Variants in DCAF15 observed in about 807,000 individuals in gnomAD.
DCAF15 encodes the protein DDB1- and CUL4-associated factor 15.
In DCAF15, 24 loss-of-function variants were observed where a neutral mutation model predicts 68.0. The observed-to-expected ratio is 0.35, with a 90% CI of 0.26 to 0.50. The LOEUF is 0.50. Among genes scored for constraint, DCAF15 ranks in the 20% least tolerant of loss-of-function variants. DCAF15 has a pLI of 0.98. For synonymous variants in DCAF15, 376 were observed against 341.6 expected (o/e 1.10, Z -1.11); for missense variants, 627 against 830.6 (o/e 0.75, Z 3.01).
In DCAF15 at chr19:13,954,584, A is replaced by C; in HGVS notation, c.289A>C (p.Ser97Arg). Residue 97 changes from serine to arginine, a missense_variant, in exon 3 of 13, where the codon AGT becomes CGT. By Grantham distance (110) the Ser-to-Arg change is moderately radical. Transcript: ENST00000254337. ...CTACGTCCTCTCCTACACCAGCAGC[A>C]GTGGGGATGACGACTTCTCCTTCTA... ...GRYVLSYTSS[S>R]GDDDFSFYIY... The C allele has an allele frequency of 6.2e-7, 1 of 1,614,156 alleles. No individual in the cohort carries two copies. The highest frequency in any genetic ancestry group is 8.5e-7 in the Non-Finnish European group (1 of 1,180,028).
chr19:13,960,441 G>T, intron 11 of DCAF15, 24 bp from the exon 12 acceptor site: 3 of 1,612,084 alleles, frequency 1.9e-6, no homozygotes, highest in Non-Finnish European at 2.5e-6. Flanking sequence ...GGCGACGAGA[G>T]CCACTCACCC....
intron 6 of DCAF15, among the ~76,000 whole-genome samples, 162 bp from the exon 7 acceptor site, chr19:13,958,883 C>T (rs1363635924): frequency 6.6e-6 from 1 of 152,136 alleles, no homozygotes; most frequent in Non-Finnish European, 1.5e-5. Flanking sequence ...GGTGTGCATG[C>T]GCAGAAAGGT....
rs1973481728 is a variant in DCAF15 at position 13,959,108 on chromosome 19, C to T, written c.848C>T (p.Pro283Leu). ...HSTCPLAPAS[P>L]PEPQSPELPP... ...ACCTGCCCCCTGGCGCCTGCCAGCC[C>T]CCCTGAGCCCCAGAGCCCAGAGCTG... Residue 283 changes from proline (P) to leucine (L), a missense_variant, in exon 7 of 13, where the codon CCC becomes CTC. By Grantham distance (98) the Pro-to-Leu change is moderately conservative. Transcript: ENST00000254337. The T allele has an allele frequency of 6.2e-7, 1 of 1,612,618 alleles. No individual in the cohort carries two copies. Among genetic ancestry groups the T allele is most frequent in the Non-Finnish European group, 8.5e-7 (1 of 1,179,648 alleles).
At chr19:13,952,666 G>C in intron 1 of DCAF15, 22 bp downstream of exon 1, 1 of 1,295,320 alleles carries the variant, frequency 7.7e-7, no homozygotes. Flanking sequence ...AGCCGGAGTG[G>C]GGAGCGCGCC....
At position 13,960,974 on chromosome 19, in the gene DCAF15, A is replaced by G; in HGVS notation, c.1782A>G (p.Arg594=). ...CSLKVLADSE[R]YTWIVL is the part of the protein sequence containing the mutation. ...TGAAGGTTCTGGCGGACAGCGAGCG[A>G]TATACGTGGATCGTGCTGTGAGGGC... Residue 594 remains arginine (R), a synonymous_variant, in exon 13 of 13, where the codon CGA becomes CGG. Coordinates refer to ENST00000254337, the MANE Select transcript of DCAF15 (RefSeq NM_138353.4). 1 of 1,613,872 alleles carries G rather than the reference A, an allele frequency of 6.2e-7. No homozygotes were observed. Among genetic ancestry groups the G allele is most frequent in the Non-Finnish European group, 8.5e-7 (1 of 1,179,978 alleles).
intron 3 of DCAF15, 63 bp downstream of exon 3, chr19:13,954,724 C>T (rs976150409): frequency 6.4e-7 from 1 of 1,564,138 alleles, no homozygotes; most frequent in Non-Finnish European, 8.8e-7. Flanking sequence ...TCACAGCAAC[C>T]TCTGAGCCTC....
chr19:13,959,553 C>T (rs762087528), intron 7 of DCAF15, 29 bp from the exon 8 acceptor site: 5 of 1,612,028 alleles, frequency 3.1e-6, no homozygotes, highest in East Asian at 2.2e-5. Context: ...GGCCTCCCTC[C>T]ACCCCACCCC....
In DCAF15 at chr19:13,959,655, G is replaced by A. The variant is rs965993711; in HGVS notation, c.1293G>A (p.Arg431=). The A allele has an allele frequency of 6.2e-7, 1 of 1,613,458 alleles. No homozygotes were observed. The highest frequency in any genetic ancestry group is 8.5e-7 in the Non-Finnish European group (1 of 1,179,940). The change falls in exon 8 of 13, where the codon CGG becomes CGA. Residue 431 remains arginine, a synonymous_variant. Coordinates refer to ENST00000254337, the MANE Select transcript of DCAF15 (RefSeq NM_138353.4). ...GTGGCCGCAACCTGCGGCCCATGCG[G>A]GAGCGGACTGCTGTCCAGGTGGGTG... The part of the protein sequence containing the change: ...DLRGRNLRPM[R]ERTAVQGQYL...
chr19:13,954,558 G>C lies in DCAF15; in HGVS notation c.263G>C (p.Arg88Pro). Reference sequence around the variant, plus strand: ...TTCCTGGGCTTTTCCAAATGCGGCCGCTACGTCCTCTCCTACACCAGCAGC... The same window carrying C: ...TTCCTGGGCTTTTCCAAATGCGGCCCCTACGTCCTCTCCTACACCAGCAGC... ...HIFLGFSKCGRYVLSYTSSSG... is the reference protein window; with the variant it reads ...HIFLGFSKCGPYVLSYTSSSG... Residue 88 changes from arginine (R) to proline (P), a missense_variant, in exon 3 of 13, where the codon CGC becomes CCC. Coordinates refer to ENST00000254337, the MANE Select transcript of DCAF15 (RefSeq NM_138353.4). 6.2e-7 allele frequency: 1 copy of C among 1,614,188 alleles called. No individual in the cohort carries two copies. Among genetic ancestry groups the C allele is most frequent in the Non-Finnish European group, 8.5e-7 (1 of 1,180,042 alleles).
chr19:13,958,052 T>C (rs1973439682), intron 6 of DCAF15, among the ~76,000 whole-genome samples: 1 of 152,098 alleles, frequency 6.6e-6, no homozygotes, highest in Non-Finnish European at 1.5e-5. Context: ...CCCAGACATA[T>C]CTGGGGCTTT....
chr19:13,959,771 A>G lies in DCAF15; in HGVS notation c.1316A>G (p.Gln439Arg). 1 of 1,613,806 alleles carries G rather than the reference A, an allele frequency of 6.2e-7. No homozygotes were observed. Among genetic ancestry groups the G allele is most frequent in the Non-Finnish European group, 8.5e-7 (1 of 1,179,968 alleles). Residue 439 changes from glutamine (Q) to arginine (R), a missense_variant, in exon 9 of 13, where the codon CAG becomes CGG. Gln to Arg is a conservative substitution (Grantham distance 43). Transcript: ENST00000254337. ...CGCCTACCCACTCACCCGCAGGGCCAGTACCTGACAGTGGAGCAGCTCACA... is the reference window on the plus strand; with the variant it reads ...CGCCTACCCACTCACCCGCAGGGCCGGTACCTGACAGTGGAGCAGCTCACA... ...PMRERTAVQGQYLTVEQLTLD... is the reference protein window; with the variant it reads ...PMRERTAVQGRYLTVEQLTLD...
chr19:13,955,494 A>G (rs910528923), intron 3 of DCAF15, among the ~76,000 whole-genome samples: 5 of 152,210 alleles, frequency 3.3e-5, no homozygotes, highest in African/African-American at 1.2e-4. Context: ...AACACACCCT[A>G]TGAAGCTGTA....
Position 13,959,281 on chromosome 19 carries a change from G to A in DCAF15, c.1021G>A (p.Glu341Lys). 3.1e-6 allele frequency: 5 copies of A among 1,610,716 alleles called. No individual in the cohort carries two copies. Among genetic ancestry groups the A allele is most frequent in the Non-Finnish European group, 4.2e-6 (5 of 1,179,816 alleles). The change falls in exon 7 of 13, where the codon GAA becomes AAA. Residue 341 changes from glutamate to lysine, a missense_variant. Around this residue, in one of 3 missense-constraint regions of DCAF15, gnomAD observed 236 missense variants for 225.1 expected, o/e 1.05. Transcript: ENST00000254337. ...AGAGGCCAAGGGCGGGGTCCCTGAG[G>A]AAGCCCGGCCTGCCCTGTGCCCAGG... ...AKEAKGGVPEEARPALCPGPS... is the reference protein window; with the variant it reads ...AKEAKGGVPEKARPALCPGPS...
intron 10 of DCAF15, 38 bp from the exon 11 acceptor site, chr19:13,960,249 C>A: frequency 6.9e-6 from 11 of 1,602,082 alleles, no homozygotes; most frequent in Non-Finnish European, 9.4e-6. Flanking sequence ...AGGAGCCCGG[C>A]TGTCCCAGCG....
chr19:13,952,625 A>G lies in DCAF15; in HGVS notation c.113A>G (p.Lys38Arg), dbSNP rs1028610673. 1.7e-5 allele frequency: 21 copies of G among 1,266,088 alleles called. No individual in the cohort carries two copies. The highest frequency in any genetic ancestry group is 3.1e-5 in the African/African-American group (2 of 63,668). The allele number at this position is 1,266,088 out of a possible 1,614,324, so 78.4% of individuals were successfully genotyped here. ...AAGRRREHVL[K>R]QLERVKISGQ... ...GGGCGGCGGCGGGAGCACGTCCTCAAGCAGCTGGAGCGGGTCAAGGTGAGG... is the reference window on the plus strand; with the variant it reads ...GGGCGGCGGCGGGAGCACGTCCTCAGGCAGCTGGAGCGGGTCAAGGTGAGG... Residue 38 changes from lysine (K) to arginine (R), a missense_variant, in exon 1 of 13, where the codon AAG (lysine) becomes AGG (arginine). By Grantham distance (26) the Lys-to-Arg change is conservative (BLOSUM62 2). Transcript: ENST00000254337.
chr19:13,952,794 G>C, intron 1 of DCAF15, 150 bp downstream of exon 1: 1 of 1,272,546 alleles, frequency 7.9e-7, no homozygotes, highest in Non-Finnish European at 1.0e-6. Flanking sequence ...GGGGCCCGGG[G>C]GAGATGGCTT....
chr19:13,954,461 G>A (rs1170883883), intron 2 of DCAF15, 24 bp downstream of exon 2: 2 of 1,614,030 alleles, frequency 1.2e-6, no homozygotes, highest in Non-Finnish European at 8.5e-7. Context: ...CAGGCAAAGG[G>A]GGCAGGTGGG....
At chr19:13,956,093 C>T (rs1421819843) in intron 4 of DCAF15, 30 bp from the exon 5 acceptor site, 2 of 1,610,404 alleles carry the variant, frequency 1.2e-6, no homozygotes, top group Non-Finnish European at 1.7e-6. Context: ...CAGGCGCCGA[C>T]CAGGCAGCTG....
intron 1 of DCAF15, chr19:13,953,116 T>C: frequency 1.3e-6 from 2 of 1,550,168 alleles, no homozygotes; most frequent in Non-Finnish European, 1.7e-6. Context: ...GGAGTTCCAG[T>C]ACCTGGGTGG....
Sources: allele counts gnomAD v4.1 joint callset (sites outside exome capture counted in the v4.1 genomes callset), GRCh38; gene constraint gnomAD v4.1.1; regional missense constraint gnomAD v4.1.1; transcripts MANE v1.5; gene names NCBI Gene and HGNC (gene_info 2026-07-23, HGNC 2026-07-21).